Variants in DHRSX observed in about 807,000 individuals in gnomAD.
The protein encoded by DHRSX is dehydrogenase/reductase X-linked.
In DHRSX, 31 loss-of-function variants were observed where a neutral mutation model predicts 34.0. That is an observed-to-expected ratio of 0.91 (90% CI 0.69 to 1.23). The LOEUF is 1.23. Ranked by LOEUF, DHRSX falls within the 50% of genes most tolerant of loss-of-function variation. The probability of loss-of-function intolerance (pLI) is 0.00; values close to 1 mark genes in which losing one functional copy is unlikely to be tolerated. For missense variants in DHRSX, 414 were observed against 428.1 expected (o/e 0.97, Z 0.29); for synonymous variants, 201 against 183.8 (o/e 1.09, Z -0.76).
chrX:2,480,466 G>A (rs1170498609), intron 1 of DHRSX, among the ~76,000 whole-genome samples: 2 of 150,362 alleles, frequency 1.3e-5, no homozygotes, highest in African/African-American at 4.9e-5. Flanking sequence ...AGGATCACTG[G>A]AGGCCAAGAG....
intron 3 of DHRSX, among the ~76,000 whole-genome samples, chrX:2,408,262 G>T (rs1208467765): frequency 6.6e-6 from 1 of 152,004 alleles, no homozygotes; most frequent in Non-Finnish European, 1.5e-5. Flanking sequence ...TTTTAGTAGA[G>T]ATTGGGTTTC....
chrX:2,288,559 T>C (rs1194379895), intron 4 of DHRSX, among the ~76,000 whole-genome samples: 1 of 152,194 alleles, frequency 6.6e-6, no homozygotes, highest in African/African-American at 2.4e-5. Context: ...TTGGAGGCCA[T>C]GGGTGAAGAA....
chrX:2,384,942 GA>G lies in DHRSX; in HGVS notation c.286+23802del, dbSNP rs927911658. ...AAATAAATAAATTTAAAAAAAAAAA[GA>G]AAAAAAAATATATATATATACATTT... On this transcript the variant is annotated intron_variant, in intron 3 of 6. Transcript: ENST00000334651. Among the ~76,000 whole-genome samples the G allele has an allele frequency of 1.1e-3, 166 of 145,126 alleles. 1 individual carries two copies. The highest frequency in any genetic ancestry group is 2.9e-3 in the Admixed American group (42 of 14,690).
At position 2,314,435 on chromosome X, in the gene DHRSX, G is replaced by GAGGGA. The variant is rs1556466723; in HGVS notation, c.287-22833_287-22832insTCCCT. 2.2e-3 allele frequency among the ~76,000 whole-genome samples: 204 copies of GAGGGA among 92,722 alleles called. 5 individuals are homozygous for GAGGGA. The highest frequency in any genetic ancestry group is 6.8e-3 in the Middle Eastern group (1 of 148). 60.8% of individuals were successfully genotyped at this position (92,722 alleles called of 152,430 possible). ...GAGGGAAGGAAGGAAGGGGAGAAGG[G>GAGGGA]AGGAAGGAAGGGGAGAAGGGAGGAA... On this transcript the variant is annotated intron_variant, in intron 3 of 6. Transcript: ENST00000334651.
chrX:2,361,189 C>T (rs1569493672), intron 3 of DHRSX, among the ~76,000 whole-genome samples: 1 of 152,116 alleles, frequency 6.6e-6, no homozygotes, highest in Non-Finnish European at 1.5e-5. Flanking sequence ...CGGCTCACTG[C>T]AACCTCCACC....
chrX:2,432,798 G>A (rs969235389), intron 1 of DHRSX, among the ~76,000 whole-genome samples: 4 of 152,114 alleles, frequency 2.6e-5, no homozygotes, highest in East Asian at 3.8e-4. Context: ...TCAGAAAGAT[G>A]GTTAGATAGA....
intron 3 of DHRSX, among the ~76,000 whole-genome samples, chrX:2,306,280 G>A (rs1354198735): frequency 6.6e-6 from 1 of 151,820 alleles, no homozygotes; most frequent in Non-Finnish European, 1.5e-5. Context: ...AAGGGTAAGG[G>A]GAACAGGGTA....
At chrX:2,382,160 T>C (rs1305057353) in intron 3 of DHRSX, among the ~76,000 whole-genome samples, 1 of 152,138 alleles carries the variant, frequency 6.6e-6, no homozygotes, top group African/African-American at 2.4e-5. Context: ...CCATTCCCTC[T>C]TTCTGGGCTC....
At chrX:2,456,505 T>G (rs1296646798) in intron 1 of DHRSX, among the ~76,000 whole-genome samples, 13 of 150,694 alleles carry the variant, frequency 8.6e-5, no homozygotes, top group Non-Finnish European at 1.6e-4. Context: ...TCCCAGCTAC[T>G]CGGGAGGCTG....
intron 5 of DHRSX, among the ~76,000 whole-genome samples, chrX:2,265,565 A>G (rs2041444282): frequency 7.3e-6 from 1 of 137,584 alleles, no homozygotes; most frequent in African/African-American, 2.8e-5. Flanking sequence ...AGTGCTCAGC[A>G]GATGCAGGGA....
intron 3 of DHRSX, among the ~76,000 whole-genome samples, chrX:2,295,341 T>G (rs1013386631): frequency 6.6e-6 from 1 of 152,004 alleles, no homozygotes; most frequent in Non-Finnish European, 1.5e-5. Flanking sequence ...AACCAAACAC[T>G]GCATGTTCTC....
At chrX:2,292,653 G>A (rs1404284474) in intron 3 of DHRSX, among the ~76,000 whole-genome samples, 1 of 152,042 alleles carries the variant, frequency 6.6e-6, no homozygotes, top group Non-Finnish European at 1.5e-5. Context: ...TAAGAAGTAC[G>A]AGCCCTTCCA....
rs73628260 is a variant in DHRSX, at chrX:2,260,460, A to T, written c.596+6280T>A. On this transcript the variant is annotated intron_variant, in intron 5 of 6. Transcript: ENST00000334651. ...TCTCTGTCTCCAAATTTTCTACTTCATTTTTTTTTTTTTTTTGAGACAGAG... is the reference window on the plus strand; with the variant it reads ...TCTCTGTCTCCAAATTTTCTACTTCTTTTTTTTTTTTTTTTTGAGACAGAG... Among the ~76,000 whole-genome samples, 277 of 124,118 alleles carry T rather than the reference A, an allele frequency of 2.2e-3. 1 individual carries two copies. Among genetic ancestry groups the T allele is most frequent in the African/African-American group, 7.1e-3 (236 of 33,338 alleles). The allele number at this position is 124,118 out of a possible 152,430, so 81.4% of individuals were successfully genotyped here.
intron 1 of DHRSX, among the ~76,000 whole-genome samples, chrX:2,429,027 C>T (rs1425390001): frequency 1.3e-5 from 2 of 152,122 alleles, no homozygotes; most frequent in Non-Finnish European, 2.9e-5. Context: ...TTTCTTGATA[C>T]ACGCATGAAT....
At chrX:2,395,440 C>A (rs1336990974) in intron 3 of DHRSX, among the ~76,000 whole-genome samples, 1 of 152,142 alleles carries the variant, frequency 6.6e-6, no homozygotes, top group African/African-American at 2.4e-5. Context: ...AGTTTACTTT[C>A]TCACTGGGGT....
chrX:2,469,702 C>T (rs970181558), intron 1 of DHRSX, among the ~76,000 whole-genome samples: 5 of 151,974 alleles, frequency 3.3e-5, no homozygotes, highest in Non-Finnish European at 5.9e-5. Context: ...AAGGGACCGC[C>T]ACCATGTACC....
At chrX:2,340,080 AAC>A in intron 3 of DHRSX, among the ~76,000 whole-genome samples, 1 of 152,094 alleles carries the variant, frequency 6.6e-6, no homozygotes, top group East Asian at 1.9e-4. Context: ...TCAGCAAACT[AAC>A]ACAAGAACAG....
intron 3 of DHRSX, among the ~76,000 whole-genome samples, chrX:2,326,578 A>T (rs765863263): frequency 1.3e-5 from 2 of 152,224 alleles, no homozygotes; most frequent in East Asian, 3.9e-4. Context: ...GGGACCTTGT[A>T]CTTTCACAAA....
chrX:2,338,222 A>C (rs2124559322), intron 3 of DHRSX, among the ~76,000 whole-genome samples: 1 of 151,964 alleles, frequency 6.6e-6, no homozygotes, highest in South Asian at 2.1e-4. Context: ...AATCCCAGCT[A>C]CTTGGGAGGC....
Sources: gnomAD v4.1 joint callset for allele counts (sites outside exome capture counted in the v4.1 genomes callset) on GRCh38, gnomAD v4.1.1 for gene constraint, MANE v1.5 for transcripts, NCBI Gene and HGNC (gene_info 2026-07-23, HGNC 2026-07-21) for gene names.